BEND7: variants seen among roughly 807,000 people sequenced by gnomAD.
The protein encoded by BEND7 is BEN domain-containing protein 7.
A neutral mutation model predicts 50.9 loss-of-function variants in BEND7; 28 were observed. That is an observed-to-expected ratio of 0.55 (90% CI 0.41 to 0.75). The LOEUF is 0.75. Among genes scored for constraint, BEND7 ranks in the 30% least tolerant of loss-of-function variants. The pLI, the probability that BEND7 is intolerant of heterozygous loss-of-function variation, is 0.00. For synonymous variants in BEND7, 170 were observed against 183.9 expected, an observed-to-expected ratio of 0.92 and a Z score of 0.61; for missense variants, 477 against 491.3, an observed-to-expected ratio of 0.97 and a Z score of 0.28.
chr10:13,521,424 G>A (rs1218348932), intron 2 of BEND7, among the ~76,000 whole-genome samples: 1 of 152,198 alleles, frequency 6.6e-6, no homozygotes, highest in East Asian at 1.9e-4. Context: ...AGCAAGCTCT[G>A]GGTAAATAAC....
chr10:13,500,351 T>C (rs1401783308), intron 2 of BEND7, among the ~76,000 whole-genome samples: 1 of 152,160 alleles, frequency 6.6e-6, no homozygotes, highest in African/African-American at 2.4e-5. Context: ...GGAACAAACA[T>C]GACATTCCCT....
chr10:13,501,589 G>A (rs1202619295), intron 2 of BEND7, among the ~76,000 whole-genome samples: 2 of 152,026 alleles, frequency 1.3e-5, no homozygotes, highest in Admixed American at 6.5e-5. Context: ...GCTCACACGT[G>A]TAATCCCAGC....
At chr10:13,499,558 T>G (rs2077287115) in intron 3 of BEND7, among the ~76,000 whole-genome samples, 2 of 152,182 alleles carry the variant, frequency 1.3e-5, no homozygotes, top group African/African-American at 4.8e-5. Context: ...CAGGAAATCT[T>G]CACTTATAAC....
intron 6 of BEND7, among the ~76,000 whole-genome samples, chr10:13,466,236 T>TC (rs1364317645): frequency 6.6e-6 from 1 of 152,116 alleles, no homozygotes; most frequent in Admixed American, 6.6e-5. Context: ...CCATTTTTTT[T>TC]TTTTTTTAGC....
intron 2 of BEND7, among the ~76,000 whole-genome samples, chr10:13,503,646 A>T (rs1287219436): frequency 6.6e-6 from 1 of 152,232 alleles, no homozygotes; most frequent in Non-Finnish European, 1.5e-5. Context: ...TGGGAGGCGG[A>T]GGTTGCAGTG....
At chr10:13,501,465 C>G (rs1452930336) in intron 2 of BEND7, among the ~76,000 whole-genome samples, 1 of 150,498 alleles carries the variant, frequency 6.6e-6, no homozygotes, top group African/African-American at 2.4e-5. Context: ...CTATTTCAAA[C>G]ACACTATCTT....
At chr10:13,485,647 C>A (rs1313260661) in intron 5 of BEND7, among the ~76,000 whole-genome samples, 1 of 152,200 alleles carries the variant, frequency 6.6e-6, no homozygotes, top group Non-Finnish European at 1.5e-5. Context: ...CCACTATATA[C>A]AATGATCTTT....
chr10:13,460,583 C>T (rs1840007089), intron 6 of BEND7, among the ~76,000 whole-genome samples: 1 of 152,194 alleles, frequency 6.6e-6, no homozygotes, highest in Non-Finnish European at 1.5e-5. Flanking sequence ...GCATATGACC[C>T]CCGTGTTTGG....
At chr10:13,463,604 A>G (rs1198346193) in intron 6 of BEND7, among the ~76,000 whole-genome samples, 2 of 152,238 alleles carry the variant, frequency 1.3e-5, no homozygotes, top group East Asian at 1.9e-4. Context: ...CAGATGGATT[A>G]AAGACCTGAT....
chr10:13,457,555 T>A (rs1446812591), intron 6 of BEND7, among the ~76,000 whole-genome samples: 1 of 152,220 alleles, frequency 6.6e-6, no homozygotes, highest in Non-Finnish European at 1.5e-5. Flanking sequence ...ACACCCTAGT[T>A]CATGGATTAC....
intron 1 of BEND7, among the ~76,000 whole-genome samples, chr10:13,526,774 C>T (rs1209305644): frequency 1.3e-5 from 2 of 152,162 alleles, no homozygotes; most frequent in Non-Finnish European, 2.9e-5. Context: ...GTGACTCTTT[C>T]GCATTCAGCT....
At chr10:13,438,866 C>T, downstream of BEND7, 1 of 322,622 alleles carries the variant, frequency 3.1e-6, no homozygotes, top group Non-Finnish European at 5.8e-6. Context: ...CCAGCCTGAC[C>T]CTCCTCTCAA....
At chr10:13,454,489 G>A (rs1256562699) in intron 6 of BEND7, among the ~76,000 whole-genome samples, 1 of 152,046 alleles carries the variant, frequency 6.6e-6, no homozygotes, top group Non-Finnish European at 1.5e-5. Context: ...GAGTGGTGGT[G>A]CAAGCCTGTG....
chr10:13,481,904 C>T (rs2075887925), intron 5 of BEND7, among the ~76,000 whole-genome samples: 2 of 152,252 alleles, frequency 1.3e-5, no homozygotes, highest in Non-Finnish European at 2.9e-5. Context: ...CTATCGCACA[C>T]GCTCGGCGCT....
At chr10:13,456,845 A>G (rs965475169) in intron 6 of BEND7, among the ~76,000 whole-genome samples, 2 of 152,178 alleles carry the variant, frequency 1.3e-5, no homozygotes, top group Non-Finnish European at 2.9e-5. Context: ...TAATTGGGGG[A>G]AAATGGTCTA....
intron 6 of BEND7, among the ~76,000 whole-genome samples, chr10:13,462,917 C>T (rs780582566): frequency 6.6e-6 from 1 of 152,182 alleles, no homozygotes; most frequent in Admixed American, 6.5e-5. Flanking sequence ...GACAGATGAT[C>T]TACAGAAGAA....
chr10:13,498,766 C>G (rs1238140390), intron 3 of BEND7, among the ~76,000 whole-genome samples: 1 of 152,096 alleles, frequency 6.6e-6, no homozygotes, highest in South Asian at 2.1e-4. Context: ...AGCTGTGTCC[C>G]TCTAACCTGG....
At chr10:13,524,505 G>T (rs555341346) in intron 2 of BEND7, among the ~76,000 whole-genome samples, 1 of 151,948 alleles carries the variant, frequency 6.6e-6, no homozygotes, top group South Asian at 2.1e-4. Flanking sequence ...TTAGCCAAGC[G>T]TGGTGGCAGG....
At chr10:13,443,045 A>G (rs1235737026) in intron 8 of BEND7, 3 of 152,230 alleles carry the variant, frequency 2.0e-5, no homozygotes, top group African/African-American at 4.8e-5. Flanking sequence ...TGAGGTTTTG[A>G]ATGAAAACAG....
Sources: allele counts gnomAD v4.1 joint callset (sites outside exome capture counted in the v4.1 genomes callset), GRCh38; gene constraint gnomAD v4.1.1; transcripts MANE v1.5; gene names NCBI Gene and HGNC (gene_info 2026-07-23, HGNC 2026-07-21).